The following IFT80 variants were observed in gnomAD, a reference collection of about 807,000 sequenced individuals.
The protein encoded by IFT80 is intraflagellar transport 80, also known as intraflagellar transport protein 80 homolog.
A neutral mutation model predicts 107.9 loss-of-function variants in IFT80; 79 were observed. That is an observed-to-expected ratio of 0.73 (90% confidence interval 0.61 to 0.88). The LOEUF (loss-of-function observed/expected upper bound fraction) is 0.88, where lower values mean the gene tolerates loss of function less well. Ranked by LOEUF, IFT80 falls within the 40% of genes least tolerant of loss-of-function variation. IFT80 has a pLI of 0.00. For missense variants in IFT80, 797 were observed against 914.2 expected, an observed-to-expected ratio of 0.87 and a Z score of 1.65; for synonymous variants, 299 against 300.9, an observed-to-expected ratio of 0.99 and a Z score of 0.07.
intron 12 of IFT80, among the ~76,000 whole-genome samples, chr3:160,288,646 A>C (rs1252757390): frequency 2.0e-5 from 3 of 152,232 alleles, no homozygotes; most frequent in African/African-American, 4.8e-5. Flanking sequence ...TTACAAGAAA[A>C]AAAACACTAA....
At chr3:160,284,981 C>T (rs1714979336) in intron 13 of IFT80, among the ~76,000 whole-genome samples, 1 of 152,072 alleles carries the variant, frequency 6.6e-6, no homozygotes, top group Non-Finnish European at 1.5e-5. Context: ...AGTAGGGAGA[C>T]TAACACTGTA....
At chr3:160,294,321 A>G (rs756127256) in intron 12 of IFT80, among the ~76,000 whole-genome samples, 1 of 152,136 alleles carries the variant, frequency 6.6e-6, no homozygotes, top group Non-Finnish European at 1.5e-5. Flanking sequence ...AGAGGGCTCA[A>G]GCTATCTTCC....
chr3:160,370,550 T>C (rs1450025765), intron 5 of IFT80, among the ~76,000 whole-genome samples: 1 of 149,472 alleles, frequency 6.7e-6, no homozygotes, highest in African/African-American at 2.6e-5. Flanking sequence ...AGAAAAAGTT[T>C]AAATAAAGGC....
intron 8 of IFT80, among the ~76,000 whole-genome samples, chr3:160,333,627 A>G (rs2108321206): frequency 6.6e-6 from 1 of 152,318 alleles, no homozygotes; most frequent in South Asian, 2.1e-4. Flanking sequence ...AGAATCATCA[A>G]TATCACTGTC....
At chr3:160,278,237 T>C (rs769132538) in intron 16 of IFT80, among the ~76,000 whole-genome samples, 6 of 152,218 alleles carry the variant, frequency 3.9e-5, no homozygotes, top group Non-Finnish European at 7.3e-5. Context: ...GTTGTGCCCA[T>C]AGCAATATGC....
rs371501345 is a variant in IFT80, at chr3:160,356,698, T to G, written c.640-548A>C. 2.6e-5 allele frequency among the ~76,000 whole-genome samples: 4 copies of G among 152,112 alleles called. No individual in the cohort carries two copies. In the East Asian group the frequency reaches 5.8e-4, roughly 22 times the overall value. ...TGCCATACTTGGCTAATTTTTAAAT[T>G]TTTGTAGAGATGGGGTCTTGTTATA... On this transcript the variant is annotated intron_variant, in intron 7 of 19. Transcript: ENST00000326448.
At chr3:160,387,280 C>T (rs544666502) in intron 1 of IFT80, among the ~76,000 whole-genome samples, 6 of 152,130 alleles carry the variant, frequency 3.9e-5, no homozygotes, top group South Asian at 2.1e-4. Flanking sequence ...CCGAGGCAGG[C>T]GGATCACGAG....
intron 8 of IFT80, among the ~76,000 whole-genome samples, chr3:160,330,440 T>A (rs1299208752): frequency 6.6e-6 from 1 of 152,230 alleles, no homozygotes; most frequent in Non-Finnish European, 1.5e-5. Context: ...CTCCTAGGTA[T>A]GTGAATATCT....
intron 9 of IFT80, among the ~76,000 whole-genome samples, chr3:160,313,692 C>T (rs1470204413): frequency 6.6e-6 from 1 of 151,658 alleles, no homozygotes; most frequent in Non-Finnish European, 1.5e-5. Flanking sequence ...CCACTGCAAC[C>T]TCTGCCTCCA....
intron 8 of IFT80, among the ~76,000 whole-genome samples, chr3:160,330,007 G>A (rs1718975923): frequency 6.6e-6 from 1 of 152,122 alleles, no homozygotes; most frequent in African/African-American, 2.4e-5. Context: ...AACATCATGT[G>A]TGAGCTTATT....
chr3:160,306,659 T>C (rs1716850884), intron 10 of IFT80, among the ~76,000 whole-genome samples: 1 of 152,188 alleles, frequency 6.6e-6, no homozygotes, highest in Non-Finnish European at 1.5e-5. Context: ...TATTTCATTA[T>C]TCCAGATTTG....
At chr3:160,294,394 T>C (rs1470405946) in intron 12 of IFT80, among the ~76,000 whole-genome samples, 1 of 152,124 alleles carries the variant, frequency 6.6e-6, no homozygotes. Context: ...CTAAGTTTTG[T>C]ATATTTTGTA....
intron 6 of IFT80, among the ~76,000 whole-genome samples, chr3:160,361,496 G>A (rs1393859418): frequency 6.6e-6 from 1 of 152,066 alleles, no homozygotes; most frequent in Admixed American, 6.5e-5. Flanking sequence ...GGATATCCAG[G>A]ACTTGAACTC....
intron 1 of IFT80, among the ~76,000 whole-genome samples, chr3:160,391,992 G>T (rs1713421944): frequency 6.6e-6 from 1 of 152,182 alleles, no homozygotes; most frequent in South Asian, 2.1e-4. Context: ...CTTGAGAAAA[G>T]GTGGCTAATC....
chr3:160,392,885 C>T (rs927661174), intron 1 of IFT80, among the ~76,000 whole-genome samples: 10 of 151,590 alleles, frequency 6.6e-5, no homozygotes, highest in African/African-American at 2.4e-4. Context: ...GCCTGGGCAA[C>T]ATAGTGAGAC....
intron 9 of IFT80, among the ~76,000 whole-genome samples, chr3:160,315,517 GT>G (rs1717754489): frequency 6.6e-6 from 1 of 152,154 alleles, no homozygotes; most frequent in Non-Finnish European, 1.5e-5. Flanking sequence ...ATGGGAGGCA[GT>G]TTTGCATGAC....
intron 10 of IFT80, among the ~76,000 whole-genome samples, chr3:160,304,696 A>T (rs1485550634): frequency 6.6e-6 from 1 of 152,002 alleles, no homozygotes; most frequent in African/African-American, 2.4e-5. Context: ...CTGCCTCCCA[A>T]AGTGCTGGGA....
At chr3:160,346,380 T>A (rs1190131051) in intron 8 of IFT80, among the ~76,000 whole-genome samples, 1 of 152,206 alleles carries the variant, frequency 6.6e-6, no homozygotes, top group Non-Finnish European at 1.5e-5. Flanking sequence ...TATACAATTA[T>A]TATTTGTCAA....
chr3:160,387,716 G>T (rs1337328460), intron 1 of IFT80, among the ~76,000 whole-genome samples: 2 of 152,128 alleles, frequency 1.3e-5, no homozygotes. Flanking sequence ...AGTAAGTCTG[G>T]AGTCAAGTGG....
Sources: gnomAD v4.1 joint callset for allele counts (sites outside exome capture counted in the v4.1 genomes callset) on GRCh38, gnomAD v4.1.1 for gene constraint, MANE v1.5 for transcripts, NCBI Gene and HGNC (gene_info 2026-07-23, HGNC 2026-07-21) for gene names.